The following DIP2C variants were observed in gnomAD, a reference collection of about 807,000 sequenced individuals.
The protein encoded by DIP2C is DIP2 acetate--CoA ligase C (putative).
DIP2C carries 33 observed loss-of-function variants against 192.4 expected under a neutral mutation model. The observed-to-expected ratio is 0.17, with a 90% CI of 0.13 to 0.23. The LOEUF (loss-of-function observed/expected upper bound fraction) is 0.23, where lower values mean the gene tolerates loss of function less well. DIP2C is among the 10% of genes least tolerant of loss of function. The probability of loss-of-function intolerance (pLI) is 1.00; values close to 1 mark genes in which losing one functional copy is unlikely to be tolerated. For synonymous variants in DIP2C, 979 were observed against 864.1 expected, an observed-to-expected ratio of 1.13 and a Z score of -2.33; for missense variants, 1,537 against 2,110.1, an observed-to-expected ratio of 0.73 and a Z score of 5.32.
intron 1 of DIP2C, among the ~76,000 whole-genome samples, chr10:647,210 G>A (rs553273802): frequency 5.3e-5 from 8 of 151,766 alleles, no homozygotes; most frequent in South Asian, 4.2e-4. Context: ...CTGAGTCCAC[G>A]TCCACATTTC....
intron 1 of DIP2C, among the ~76,000 whole-genome samples, chr10:513,988 G>A (rs1013910308): frequency 6.6e-6 from 1 of 152,214 alleles, no homozygotes; most frequent in African/African-American, 2.4e-5. Context: ...TCTTGGCAAT[G>A]TACAAATTCA....
intron 8 of DIP2C, among the ~76,000 whole-genome samples, chr10:413,672 G>A (rs1419301121): frequency 6.6e-6 from 1 of 152,200 alleles, no homozygotes; most frequent in Admixed American, 6.5e-5. Context: ...GTTTGGGAGT[G>A]GCTGCGCGAG....
intron 32 of DIP2C, among the ~76,000 whole-genome samples, chr10:297,213 A>C (rs570566179): frequency 9.2e-4 from 133 of 145,048 alleles, no homozygotes; most frequent in African/African-American, 2.7e-3. Context: ...AAAACAAAAC[A>C]AAACCAACCC....
chr10:346,187 G>A (rs1331418947), intron 26 of DIP2C, among the ~76,000 whole-genome samples: 1 of 15,808 alleles, frequency 6.3e-5, no homozygotes, highest in African/African-American at 2.0e-4. Context: ...CAGACACACC[G>A]CGCATAGTTC....
chr10:564,309 C>A (rs536204245), intron 1 of DIP2C, among the ~76,000 whole-genome samples: 8 of 152,122 alleles, frequency 5.3e-5, no homozygotes, highest in African/African-American at 1.9e-4. Context: ...TCTCTCCAGC[C>A]CACAGCTCCA....
At chr10:330,079 A>G (rs929575992) in intron 29 of DIP2C, among the ~76,000 whole-genome samples, 1 of 152,218 alleles carries the variant, frequency 6.6e-6, no homozygotes, top group African/African-American at 2.4e-5. Flanking sequence ...AGTGGCTTTG[A>G]GCTGAGTGGT....
Position 484,799 on chromosome 10 carries a change from G to C in DIP2C, c.157+1660C>G. 5 of 1,611,330 alleles carry C rather than the reference G, an allele frequency of 3.1e-6. No individual in the cohort carries two copies. The South Asian group carries it at 4.4e-5, about 14-fold the overall frequency. On this transcript the variant is annotated intron_variant, in intron 2 of 36. Transcript: ENST00000280886. ...CGCTCACCGAAACGAAAGTAAAACA[G>C]AGGCCGGTTCCCTGCGGTGCTGGCC... is the stretch of plus-strand genomic sequence containing the variant.
chr10:368,695 G>A lies in DIP2C; in HGVS notation c.2131+799C>T, dbSNP rs571008067. 1.9e-4 allele frequency among the ~76,000 whole-genome samples: 29 copies of A among 152,332 alleles called. No individual in the cohort carries two copies. In the South Asian group the frequency reaches 4.6e-3, roughly 24 times the overall value. On this transcript the variant is annotated intron_variant, in intron 18 of 36. Transcript: ENST00000280886. ...CCTGCTGAGGCCCACCTGACCTGGCGCCCTGCACCTGCTGCTGAAGGCGGC... is the reference window on the plus strand; with the variant it reads ...CCTGCTGAGGCCCACCTGACCTGGCACCCTGCACCTGCTGCTGAAGGCGGC...
At chr10:383,319 G>A (rs1252628023) in intron 16 of DIP2C, among the ~76,000 whole-genome samples, 1 of 152,172 alleles carries the variant, frequency 6.6e-6, no homozygotes, top group Non-Finnish European at 1.5e-5. Context: ...AGGCATTAAA[G>A]GAGTTTATGC....
chr10:641,386 T>A (rs1855189232), intron 1 of DIP2C, among the ~76,000 whole-genome samples: 1 of 152,114 alleles, frequency 6.6e-6, no homozygotes, highest in Non-Finnish European at 1.5e-5. Flanking sequence ...GGCCCGCACA[T>A]CTCTGCTCCC....
intron 1 of DIP2C, among the ~76,000 whole-genome samples, chr10:606,859 G>A (rs944057089): frequency 2.6e-5 from 4 of 152,174 alleles, no homozygotes; most frequent in African/African-American, 9.7e-5. Flanking sequence ...GGACGCCACA[G>A]CTTCCGTGTG....
chr10:424,166 C>T (rs910916536), intron 4 of DIP2C, among the ~76,000 whole-genome samples: 117 of 152,188 alleles, frequency 7.7e-4, no homozygotes, highest in African/African-American at 2.5e-3. Context: ...CTCCAGCCAT[C>T]GGGTGAGAGG....
intron 1 of DIP2C, among the ~76,000 whole-genome samples, chr10:628,046 A>G (rs572261540): frequency 4.6e-5 from 7 of 152,196 alleles, no homozygotes; most frequent in Admixed American, 1.3e-4. Flanking sequence ...CGGCACTTTA[A>G]TGCGGACACT....
At chr10:514,173 C>G (rs1044028427) in intron 1 of DIP2C, among the ~76,000 whole-genome samples, 2 of 152,150 alleles carry the variant, frequency 1.3e-5, no homozygotes, top group African/African-American at 4.8e-5. Flanking sequence ...GGCCCCACCA[C>G]AAACACCTGC....
At chr10:424,860 G>A (rs1966469499) in intron 4 of DIP2C, among the ~76,000 whole-genome samples, 2 of 152,182 alleles carry the variant, frequency 1.3e-5, no homozygotes, top group Non-Finnish European at 1.5e-5. Context: ...AGGATAATAT[G>A]ATATAGACAC....
chr10:443,165 G>C (rs1967883867), intron 3 of DIP2C, among the ~76,000 whole-genome samples: 1 of 152,166 alleles, frequency 6.6e-6, no homozygotes, highest in African/African-American at 2.4e-5. Flanking sequence ...TAAGATTTGG[G>C]AGGAGAGACT....
intron 17 of DIP2C, among the ~76,000 whole-genome samples, chr10:375,095 G>GAAACAAAATA (rs1448972581): frequency 6.6e-6 from 1 of 152,230 alleles, no homozygotes; most frequent in African/African-American, 2.4e-5. Flanking sequence ...GTGCAAAAGG[G>GAAACAAAATA]AAACAAAATA....
intron 3 of DIP2C, among the ~76,000 whole-genome samples, chr10:452,451 A>G (rs1360807666): frequency 6.6e-6 from 1 of 152,176 alleles, no homozygotes; most frequent in East Asian, 1.9e-4. Flanking sequence ...ACGCAGTGTA[A>G]TTATGAGTGA....
At position 368,694 on chromosome 10, in the gene DIP2C, C is replaced by T. The variant is rs547701290; in HGVS notation, c.2131+800G>A. Among the ~76,000 whole-genome samples, 18 of 152,350 alleles carry T rather than the reference C, an allele frequency of 1.2e-4. No individual in the cohort carries two copies. In the South Asian group the frequency reaches 2.7e-3, roughly 23 times the overall value. Reference sequence around the variant, plus strand: ...CCCTGCTGAGGCCCACCTGACCTGGCGCCCTGCACCTGCTGCTGAAGGCGG... The same window carrying T: ...CCCTGCTGAGGCCCACCTGACCTGGTGCCCTGCACCTGCTGCTGAAGGCGG... On this transcript the variant is annotated intron_variant, in intron 18 of 36. Coordinates refer to ENST00000280886, the MANE Select transcript of DIP2C (RefSeq NM_014974.3).
Sources: gnomAD v4.1 joint callset for allele counts (sites outside exome capture counted in the v4.1 genomes callset) on GRCh38, gnomAD v4.1.1 for gene constraint, MANE v1.5 for transcripts, NCBI Gene and HGNC (gene_info 2026-07-23, HGNC 2026-07-21) for gene names.